Variants in GPR158 observed in about 807,000 individuals in gnomAD.
GPR158 encodes metabotropic glycine receptor.
Under a neutral mutation model 78.2 loss-of-function variants are expected in GPR158, and 30 were observed. The observed-to-expected ratio is 0.38, with a 90% CI of 0.29 to 0.52. The LOEUF is 0.52. Ranked by LOEUF, GPR158 falls within the 20% of genes least tolerant of loss-of-function variation. The probability of loss-of-function intolerance (pLI) is 0.83; values close to 1 mark genes in which losing one functional copy is unlikely to be tolerated. For missense variants in GPR158, 1,463 were observed against 1,523.5 expected, an observed-to-expected ratio of 0.96 and a Z score of 0.66; for synonymous variants, 581 against 591.1, an observed-to-expected ratio of 0.98 and a Z score of 0.25.
chr10:25,305,131 G>A (rs528497857), intron 2 of GPR158, among the ~76,000 whole-genome samples: 4 of 152,274 alleles, frequency 2.6e-5, no homozygotes, highest in Non-Finnish European at 4.4e-5. Flanking sequence ...CTATCTCCCT[G>A]TAGAACTTGG....
intron 2 of GPR158, among the ~76,000 whole-genome samples, chr10:25,394,601 C>T (rs564712156): frequency 2.0e-5 from 3 of 152,134 alleles, no homozygotes; most frequent in African/African-American, 7.2e-5. Context: ...TTTTATTTTG[C>T]TCTGGGTTAG....
At chr10:25,509,748 G>C (rs933178422) in intron 5 of GPR158, among the ~76,000 whole-genome samples, 2 of 152,038 alleles carry the variant, frequency 1.3e-5, no homozygotes, top group Non-Finnish European at 2.9e-5. Flanking sequence ...GCAGAATCTC[G>C]CTCTGTCACC....
intron 5 of GPR158, among the ~76,000 whole-genome samples, chr10:25,467,716 G>A (rs1472313915): frequency 1.3e-5 from 2 of 152,148 alleles, no homozygotes; most frequent in African/African-American, 2.4e-5. Context: ...GCTGGTCTGG[G>A]TGGAAAGTAG....
chr10:25,406,732 C>T (rs1279554129), intron 3 of GPR158, among the ~76,000 whole-genome samples: 1 of 152,060 alleles, frequency 6.6e-6, no homozygotes, highest in African/African-American at 2.4e-5. Flanking sequence ...CCTTTCTTTA[C>T]AGCTGGTTTT....
intron 2 of GPR158, among the ~76,000 whole-genome samples, chr10:25,381,226 C>T (rs1467359783): frequency 1.3e-5 from 2 of 152,136 alleles, no homozygotes; most frequent in Non-Finnish European, 2.9e-5. Context: ...AAAATTATAA[C>T]CTGAAAATAG....
At chr10:25,518,061 G>A (rs1183507751) in intron 5 of GPR158, among the ~76,000 whole-genome samples, 1 of 96,762 alleles carries the variant, frequency 1.0e-5, no homozygotes, top group African/African-American at 5.1e-5. Flanking sequence ...CCTGTTATTG[G>A]TCTATTCAGA....
chr10:25,360,175 T>C (rs912913078), intron 2 of GPR158, among the ~76,000 whole-genome samples: 1 of 152,204 alleles, frequency 6.6e-6, no homozygotes, highest in Non-Finnish European at 1.5e-5. Context: ...ATGGATAGAT[T>C]GTAAAAATTT....
intron 1 of GPR158, among the ~76,000 whole-genome samples, chr10:25,183,201 C>A (rs572689133): frequency 5.9e-5 from 9 of 152,258 alleles, no homozygotes; most frequent in African/African-American, 2.2e-4. Context: ...TTGACCTATA[C>A]AAATATTTGG....
At chr10:25,278,183 C>G (rs1854213105) in intron 2 of GPR158, among the ~76,000 whole-genome samples, 1 of 151,836 alleles carries the variant, frequency 6.6e-6, no homozygotes. Flanking sequence ...AACAAAATAG[C>G]ACACACAAAA....
intron 3 of GPR158, among the ~76,000 whole-genome samples, chr10:25,403,400 G>A (rs1834470708): frequency 6.6e-6 from 1 of 151,870 alleles, no homozygotes; most frequent in African/African-American, 2.4e-5. Context: ...TTCTCCCAAT[G>A]TCCTTCTTTA....
intron 1 of GPR158, among the ~76,000 whole-genome samples, chr10:25,211,331 T>G (rs967227349): frequency 6.6e-6 from 1 of 152,140 alleles, no homozygotes; most frequent in Admixed American, 6.5e-5. Context: ...AATAAATGAT[T>G]AGAAGTTTAT....
intron 5 of GPR158, among the ~76,000 whole-genome samples, chr10:25,473,267 G>T (rs1835534875): frequency 6.6e-6 from 1 of 151,766 alleles, no homozygotes; most frequent in African/African-American, 2.4e-5. Flanking sequence ...TTATTGATTT[G>T]CGTATATTGA....
chr10:25,363,990 T>G (rs1855679775), intron 2 of GPR158, among the ~76,000 whole-genome samples: 1 of 151,994 alleles, frequency 6.6e-6, no homozygotes, highest in Non-Finnish European at 1.5e-5. Context: ...CTGAGTTGCT[T>G]GAGAATTACA....
At chr10:25,510,851 T>G (rs1224724696) in intron 5 of GPR158, among the ~76,000 whole-genome samples, 1 of 152,220 alleles carries the variant, frequency 6.6e-6, no homozygotes, top group Non-Finnish European at 1.5e-5. Flanking sequence ...TCCAATTCCA[T>G]CCGGGTTGCT....
chr10:25,476,260 G>A (rs555539527), intron 5 of GPR158, among the ~76,000 whole-genome samples: 2 of 152,148 alleles, frequency 1.3e-5, no homozygotes, highest in East Asian at 1.9e-4. Flanking sequence ...AAAAACTAAA[G>A]TGTATTTTTT....
At chr10:25,315,843 G>T (rs72796113) in intron 2 of GPR158, among the ~76,000 whole-genome samples, 30,682 of 151,928 alleles carry the variant, frequency 0.2, 5,226 homozygotes, top group African/African-American at 0.47. Context: ...TTGTTAAAAT[G>T]TCACCCTTTG....
chr10:25,358,448 C>T (rs1238438728), intron 2 of GPR158, among the ~76,000 whole-genome samples: 1 of 152,046 alleles, frequency 6.6e-6, no homozygotes, highest in Non-Finnish European at 1.5e-5. Context: ...GGAAGGGACC[C>T]AGTGGGAGAT....
At chr10:25,342,280 T>C (rs988504007) in intron 2 of GPR158, among the ~76,000 whole-genome samples, 4 of 151,894 alleles carry the variant, frequency 2.6e-5, no homozygotes, top group African/African-American at 9.7e-5. Flanking sequence ...GCACTGACTT[T>C]CCATGTCTGC....
intron 2 of GPR158, among the ~76,000 whole-genome samples, chr10:25,305,136 A>AGGTCAC (rs1422958014): frequency 1.3e-5 from 2 of 152,220 alleles, no homozygotes; most frequent in Admixed American, 1.3e-4. Flanking sequence ...TCCCTGTAGA[A>AGGTCAC]CTTGGCAAGG....
Sources: gnomAD v4.1 joint callset for allele counts (sites outside exome capture counted in the v4.1 genomes callset) on GRCh38, gnomAD v4.1.1 for gene constraint, MANE v1.5 for transcripts, NCBI Gene and HGNC (gene_info 2026-07-23, HGNC 2026-07-21) for gene names.